CENPP: variants seen among roughly 807,000 people sequenced by gnomAD.
CENPP encodes the protein centromere protein P.
CENPP carries 24 observed loss-of-function variants against 35.6 expected under a neutral mutation model. The ratio of observed to expected loss-of-function variants is 0.67; its 90% CI spans 0.49 to 0.95. The LOEUF (loss-of-function observed/expected upper bound fraction) is 0.95, where lower values mean the gene tolerates loss of function less well. Ranked by LOEUF, CENPP falls within the 40% of genes least tolerant of loss-of-function variation. The pLI, the probability that CENPP is intolerant of heterozygous loss-of-function variation, is 0.00. For missense variants in CENPP, 332 were observed against 345.3 expected, an observed-to-expected ratio of 0.96 and a Z score of 0.31; for synonymous variants, 120 against 125.5, an observed-to-expected ratio of 0.96 and a Z score of 0.29.
intron 5 of CENPP, among the ~76,000 whole-genome samples, chr9:92,580,238 A>G (rs1850387540): frequency 6.6e-6 from 1 of 152,136 alleles, no homozygotes; most frequent in Non-Finnish European, 1.5e-5. Context: ...ATCAATGTTC[A>G]TCAAGGATAT....
intron 5 of CENPP, among the ~76,000 whole-genome samples, chr9:92,443,669 T>C (rs927131620): frequency 2.6e-5 from 4 of 151,294 alleles, no homozygotes; most frequent in Non-Finnish European, 4.4e-5. Flanking sequence ...TTTTTTTTTT[T>C]TGTTTTTTGA....
At chr9:92,560,868 CTTTTTTTTTTTT>C (rs58467942) in intron 5 of CENPP, among the ~76,000 whole-genome samples, 1 of 126,152 alleles carries the variant, frequency 7.9e-6, no homozygotes, top group African/African-American at 3.0e-5. Context: ...TTTTTCTTGT[CTTTTTTTTTTTT>C]TTTTTTTTTA....
intron 5 of CENPP, among the ~76,000 whole-genome samples, chr9:92,546,572 C>T (rs775609321): frequency 9.9e-5 from 15 of 152,042 alleles, no homozygotes; most frequent in South Asian, 2.1e-4. Context: ...CCTGAGCCAG[C>T]GAGACCACGA....
chr9:92,400,767 G>T (rs866895514), intron 5 of CENPP, among the ~76,000 whole-genome samples: 1 of 152,110 alleles, frequency 6.6e-6, no homozygotes, highest in African/African-American at 2.4e-5. Flanking sequence ...TATATTTACC[G>T]TATACTGAGG....
At chr9:92,472,457 A>G (rs908115085) in intron 5 of CENPP, among the ~76,000 whole-genome samples, 2 of 152,142 alleles carry the variant, frequency 1.3e-5, no homozygotes, top group Non-Finnish European at 2.9e-5. Context: ...CAGGAGATCA[A>G]GACCATCCTG....
At chr9:92,334,762 C>T (rs1840869927) in intron 2 of CENPP, among the ~76,000 whole-genome samples, 1 of 151,838 alleles carries the variant, frequency 6.6e-6, no homozygotes. Context: ...TTCCTGTAGT[C>T]CCAGCTGCTC....
At chr9:92,429,952 A>G (rs1844063228) in intron 5 of CENPP, among the ~76,000 whole-genome samples, 1 of 152,180 alleles carries the variant, frequency 6.6e-6, no homozygotes, top group South Asian at 2.1e-4. Context: ...TCTTTTCCTA[A>G]TGTAAACAAT....
chr9:92,381,690 A>C (rs1355059631), intron 5 of CENPP, among the ~76,000 whole-genome samples: 1 of 152,198 alleles, frequency 6.6e-6, no homozygotes, highest in Non-Finnish European at 1.5e-5. Context: ...TGTGAACATT[A>C]GTGTACTGAT....
intron 5 of CENPP, among the ~76,000 whole-genome samples, chr9:92,574,912 C>T (rs76919630): frequency 0.011 from 1,729 of 152,272 alleles, 26 homozygotes; most frequent in African/African-American, 0.038. Context: ...TGAACCCACC[C>T]GTACTTAGTC....
chr9:92,345,610 G>T (rs1204991120), intron 3 of CENPP, 89 bp from the exon 4 acceptor site: 6 of 691,706 alleles, frequency 8.7e-6, no homozygotes, highest in Admixed American at 2.9e-5. Context: ...CTTTTATTTG[G>T]TGGCATTTCA....
chr9:92,515,507 C>T (rs1261413517), intron 5 of CENPP, among the ~76,000 whole-genome samples: 2 of 152,072 alleles, frequency 1.3e-5, no homozygotes, highest in Non-Finnish European at 2.9e-5. Context: ...AATAATATTG[C>T]CACATGAGGC....
At chr9:92,326,128 C>T in intron 1 of CENPP, 23 bp downstream of exon 1, 1 of 1,463,028 alleles carries the variant, frequency 6.8e-7, no homozygotes, top group African/African-American at 1.4e-5. Context: ...CCCAAGTCCC[C>T]CAGGGCCCGC....
intron 5 of CENPP, among the ~76,000 whole-genome samples, chr9:92,582,260 G>T (rs1006287410): frequency 1.3e-5 from 2 of 151,932 alleles, no homozygotes; most frequent in Admixed American, 6.6e-5. Flanking sequence ...GTTTTGCCGT[G>T]TTGCCCAGGC....
chr9:92,571,664 A>C (rs1031556656), intron 5 of CENPP, among the ~76,000 whole-genome samples: 3 of 152,068 alleles, frequency 2.0e-5, no homozygotes, highest in African/African-American at 7.2e-5. Context: ...TGATCTGTCT[A>C]ATGTTGATAG....
intron 5 of CENPP, among the ~76,000 whole-genome samples, chr9:92,489,277 T>C (rs1312986370): frequency 2.0e-5 from 3 of 152,244 alleles, no homozygotes; most frequent in Admixed American, 1.3e-4. Flanking sequence ...CCTCTGATTC[T>C]GTTGGACTAG....
chr9:92,383,629 T>C (rs1842320750), intron 5 of CENPP, among the ~76,000 whole-genome samples: 1 of 152,172 alleles, frequency 6.6e-6, no homozygotes, highest in Non-Finnish European at 1.5e-5. Context: ...ATTTGTATTG[T>C]TTATTTTGTT....
At chr9:92,405,445 T>A (rs983948944) in intron 5 of CENPP, among the ~76,000 whole-genome samples, 4 of 152,124 alleles carry the variant, frequency 2.6e-5, no homozygotes, top group African/African-American at 9.7e-5. Context: ...TAGACAAAAT[T>A]GTTTTAGAAC....
intron 4 of CENPP, among the ~76,000 whole-genome samples, chr9:92,375,638 C>T (rs1448598457): frequency 3.3e-5 from 5 of 152,036 alleles, no homozygotes; most frequent in Admixed American, 6.6e-5. Flanking sequence ...GCTGTTGAGC[C>T]CCTTTAGTGA....
At chr9:92,449,675 G>C (rs988976318) in intron 5 of CENPP, among the ~76,000 whole-genome samples, 2 of 151,946 alleles carry the variant, frequency 1.3e-5, no homozygotes, top group African/African-American at 4.8e-5. Context: ...CATGGGGGCG[G>C]ATTTTCCCCT....
Sources: gnomAD v4.1 joint callset for allele counts (sites outside exome capture counted in the v4.1 genomes callset) on GRCh38, gnomAD v4.1.1 for gene constraint, MANE v1.5 for transcripts, NCBI Gene and HGNC (gene_info 2026-07-23, HGNC 2026-07-21) for gene names.